The following BCL11B variants were observed in gnomAD, a reference collection of about 807,000 sequenced individuals.
BCL11B encodes BCL11 transcription factor B, also known as B-cell lymphoma/leukemia 11B.
Under a neutral mutation model 49.9 loss-of-function variants are expected in BCL11B, and 8 were observed. That is an observed-to-expected ratio of 0.16 (90% CI 0.09 to 0.29). The LOEUF is 0.29. Ranked by LOEUF, BCL11B falls within the 10% of genes least tolerant of loss-of-function variation. The pLI, the probability that BCL11B is intolerant of heterozygous loss-of-function variation, is 1.00. For synonymous variants in BCL11B, 739 were observed against 637.4 expected, an observed-to-expected ratio of 1.16 and a Z score of -2.40; for missense variants, 1,006 against 1,351.0, an observed-to-expected ratio of 0.74 and a Z score of 4.00.
intron 3 of BCL11B, among the ~76,000 whole-genome samples, chr14:99,182,606 A>C (rs1032967883): frequency 1.2e-4 from 19 of 152,244 alleles, no homozygotes; most frequent in Admixed American, 1.0e-3. Context: ...AAAACCTTTC[A>C]AAGCAAGTGG....
intron 1 of BCL11B, among the ~76,000 whole-genome samples, chr14:99,260,499 A>G (rs1000736234): frequency 3.9e-5 from 6 of 152,144 alleles, no homozygotes; most frequent in African/African-American, 1.4e-4. Context: ...TTTCAACTAC[A>G]TAATTTCAAA....
intron 1 of BCL11B, among the ~76,000 whole-genome samples, chr14:99,258,894 G>GT (rs11439167): frequency 0.5 from 75,332 of 151,828 alleles, 19,680 homozygotes; most frequent in East Asian, 0.85. Flanking sequence ...TTTCTCTTGG[G>GT]TTTTTTTTGT....
In BCL11B at chr14:99,175,920, C is replaced by T; in HGVS notation, c.916G>A (p.Gly306Ser). ...GPILRDHPGF[G>S]EGRLPGTPPL... ...GGCGTGCCCGGCAGGCGGCCCTCGC[C>T]GAAGCCCGGGTGGTCCCGCAGGATG... The change falls in exon 4 of 4, where the codon GGC (glycine) becomes AGC (serine). Residue 306 changes from glycine (G) to serine (S), a missense_variant. Coordinates refer to ENST00000357195, the MANE Select transcript of BCL11B (RefSeq NM_138576.4). The T allele has an allele frequency of 1.4e-6, 2 of 1,446,474 alleles. No individual in the cohort carries two copies. Among genetic ancestry groups the T allele is most frequent in the Non-Finnish European group, 1.8e-6 (2 of 1,101,784 alleles). The allele number at this position is 1,446,474 out of a possible 1,614,324, so 89.6% of individuals were successfully genotyped here.
In BCL11B at chr14:99,231,563, G is replaced by GA. The variant is rs745800498; in HGVS notation, c.428-7dup. The GA allele has an allele frequency of 1.4e-5, 22 of 1,556,858 alleles. No homozygotes were observed. The highest frequency in any genetic ancestry group is 1.7e-5 in the Non-Finnish European group (20 of 1,150,856). On this transcript the variant is annotated splice_region_variant and splice_polypyrimidine_tract_variant and intron_variant, in intron 2 of 3. Transcript: ENST00000357195. The surrounding 1 kb of genome is among the most constrained non-coding windows in gnomAD (Gnocchi z 8.1). ...CTGGGCAGGCCTGCACGGCCCTGGA[G>GA]AAAAAACAATAGAAAAGACTGGTCA...
At chr14:99,226,474 G>A (rs963551365) in intron 3 of BCL11B, among the ~76,000 whole-genome samples, 1 of 152,180 alleles carries the variant, frequency 6.6e-6, no homozygotes, top group East Asian at 1.9e-4. Context: ...ATCAGCAGGG[G>A]CCTGGTGAGG....
intron 3 of BCL11B, among the ~76,000 whole-genome samples, chr14:99,180,325 G>C (rs924329807): frequency 6.6e-6 from 1 of 152,180 alleles, no homozygotes; most frequent in Non-Finnish European, 1.5e-5. Flanking sequence ...TGGCAACTCA[G>C]ACCCAGGGCC....
chr14:99,190,668 C>T (rs1886998706), intron 3 of BCL11B, among the ~76,000 whole-genome samples: 1 of 152,182 alleles, frequency 6.6e-6, no homozygotes, highest in Admixed American at 6.5e-5. Context: ...AGTTCCAACA[C>T]ACACTGCCAA....
At chr14:99,214,416 G>C (rs1308721302) in intron 3 of BCL11B, among the ~76,000 whole-genome samples, 1 of 151,828 alleles carries the variant, frequency 6.6e-6, no homozygotes, top group Non-Finnish European at 1.5e-5. Context: ...AAATTAGCTG[G>C]GCATGGTGGT....
chr14:99,228,931 G>A lies in BCL11B; in HGVS notation c.640+2414C>T, dbSNP rs1977806. Among the ~76,000 whole-genome samples the A allele has an allele frequency of 0.043, 6,559 of 152,274 alleles. 654 individuals are homozygous for A. The highest frequency in any genetic ancestry group is 0.34 in the East Asian group (1,750 of 5,142). On this transcript the variant is annotated intron_variant, in intron 3 of 3. Coordinates refer to ENST00000357195, the MANE Select transcript of BCL11B (RefSeq NM_138576.4). The surrounding 1 kb of genome is among the most constrained non-coding windows in gnomAD (Gnocchi z 4.8). ...GAATGAATAAATGGATGGATGGATG[G>A]ATGGATGAACGGATGGGTGGATGGA...
intron 3 of BCL11B, among the ~76,000 whole-genome samples, chr14:99,188,718 C>G (rs572215454): frequency 1.3e-5 from 2 of 152,288 alleles, no homozygotes; most frequent in South Asian, 4.1e-4. Flanking sequence ...ACAGTGGGCT[C>G]CCTTCTCCCC....
intron 2 of BCL11B, among the ~76,000 whole-genome samples, chr14:99,243,562 G>C (rs1888732391): frequency 6.6e-6 from 1 of 152,142 alleles, no homozygotes; most frequent in African/African-American, 2.4e-5. Flanking sequence ...GCAACTAACA[G>C]ATGAACTGGT....
rs576337885 is a variant in BCL11B, at chr14:99,195,741, C to G, written c.641-19546G>C. 2.3e-4 allele frequency among the ~76,000 whole-genome samples: 35 copies of G among 152,266 alleles called. No individual in the cohort carries two copies. The highest frequency in any genetic ancestry group is 7.7e-4 in the African/African-American group (32 of 41,538). ...CACCCCCAAGGATAACAGGCCCCTA[C>G]AGAGTGGGAGCCTCGTCCCAGTCAT... On this transcript the variant is annotated intron_variant, in intron 3 of 3. Transcript: ENST00000357195. This position sits in a 1 kb window ranked among gnomAD's most constrained non-coding sequence, Gnocchi z 4.7.
At chr14:99,177,213 G>A (rs1472607640) in intron 3 of BCL11B, among the ~76,000 whole-genome samples, 2 of 152,010 alleles carry the variant, frequency 1.3e-5, no homozygotes, top group African/African-American at 2.4e-5. Flanking sequence ...AAAGTCCTCT[G>A]CCAGAATACT....
chr14:99,269,096 C>T (rs916485954), intron 1 of BCL11B, among the ~76,000 whole-genome samples: 1 of 152,238 alleles, frequency 6.6e-6, no homozygotes, highest in African/African-American at 2.4e-5. Context: ...ACTGCAACCA[C>T]TCCTGGCTCG....
At chr14:99,254,658 A>G (rs931569727) in intron 2 of BCL11B, among the ~76,000 whole-genome samples, 3 of 152,226 alleles carry the variant, frequency 2.0e-5, no homozygotes, top group Non-Finnish European at 4.4e-5. Context: ...CCCTGGGGAC[A>G]ATAGCAGGTC....
intron 3 of BCL11B, among the ~76,000 whole-genome samples, chr14:99,179,429 G>A (rs887381710): frequency 2.1e-4 from 26 of 126,146 alleles, no homozygotes; most frequent in African/African-American, 6.6e-4. Context: ...AGCTGAGATC[G>A]AACCACTGCA....
At chr14:99,249,377 G>A (rs1209368236) in intron 2 of BCL11B, among the ~76,000 whole-genome samples, 2 of 152,148 alleles carry the variant, frequency 1.3e-5, no homozygotes, top group Non-Finnish European at 2.9e-5. Flanking sequence ...GTGGTTTGCT[G>A]CACCTACCAA....
chr14:99,171,508 C>T lies in BCL11B; in HGVS notation c.*2643G>A, dbSNP rs895547213. 2 of 210,684 alleles carry T rather than the reference C, an allele frequency of 9.5e-6. No homozygotes were observed. Among genetic ancestry groups the T allele is most frequent in the African/African-American group, 4.6e-5 (2 of 43,908 alleles). The allele number at this position is 210,684 out of a possible 1,614,324, so 13.1% of individuals were successfully genotyped here. The stretch of plus-strand genomic sequence containing the variant: ...AAGCTTACAGTTAAAAAATTACGAG[C>T]TCCAGTAAAAATACAGCAAGTGCCT... On this transcript the variant is annotated 3_prime_UTR_variant, in exon 4 of 4. Transcript: ENST00000357195.
chr14:99,218,404 C>T (rs1019415379), intron 3 of BCL11B, among the ~76,000 whole-genome samples: 3 of 151,964 alleles, frequency 2.0e-5, no homozygotes, highest in Middle Eastern at 3.4e-3. Flanking sequence ...GCCATCTCCC[C>T]GCCCTATCGT....
Sources: allele counts gnomAD v4.1 joint callset (sites outside exome capture counted in the v4.1 genomes callset), GRCh38; gene constraint gnomAD v4.1.1; non-coding constraint Gnocchi (gnomAD v3.1); transcripts MANE v1.5; gene names NCBI Gene and HGNC (gene_info 2026-07-23, HGNC 2026-07-21).